Variants in EMB observed in about 807,000 individuals in gnomAD.
EMB encodes the protein embigin.
A neutral mutation model predicts 41.4 loss-of-function variants in EMB; 31 were observed. The observed-to-expected ratio is 0.75, with a 90% CI of 0.56 to 1.01. EMB has a LOEUF of 1.01. EMB is among the 50% of genes least tolerant of loss of function. The pLI is 0.00. For synonymous variants in EMB, 137 were observed against 140.4 expected, an observed-to-expected ratio of 0.98 and a Z score of 0.17; for missense variants, 379 against 388.3, an observed-to-expected ratio of 0.98 and a Z score of 0.20.
chr5:50,408,689 A>T (rs1027561596), intron 4 of EMB, among the ~76,000 whole-genome samples: 1 of 152,088 alleles, frequency 6.6e-6, no homozygotes, highest in Non-Finnish European at 1.5e-5. Context: ...TAAGTCTTCT[A>T]AGAAAAGATA....
intron 1 of EMB, among the ~76,000 whole-genome samples, chr5:50,439,216 C>G (rs1162082855): frequency 6.6e-6 from 1 of 152,054 alleles, no homozygotes; most frequent in African/African-American, 2.4e-5. Context: ...ATCCAGAATG[C>G]ACTGGTTCTC....
chr5:50,411,236 AG>A lies in EMB; in HGVS notation c.343del (p.Val116SerfsTer53), dbSNP rs1411922767. 6.2e-7 allele frequency: 1 copy of A among 1,612,820 alleles called. No homozygotes were observed. The highest frequency in any genetic ancestry group is 8.5e-7 in the Non-Finnish European group (1 of 1,179,248). On this transcript the variant is annotated frameshift_variant, in exon 3 of 9. Transcript: ENST00000303221. LOFTEE classifies it high-confidence loss of function. ...CAAGGTGCTTCCTGTTGCACTGACAAGATAATTATTCTCAAGTTGTTCACCA... is the reference window on the plus strand; with the variant it reads ...CAAGGTGCTTCCTGTTGCACTGACAAATAATTATTCTCAAGTTGTTCACCA... Reference protein sequence around the residue: ...KDGEQLENNYLVSATGSTLYT... With the variant: ...KDGEQLENNYXVSATGSTLYT...
At chr5:50,418,936 A>C (rs1248760110) in intron 2 of EMB, among the ~76,000 whole-genome samples, 3 of 152,142 alleles carry the variant, frequency 2.0e-5, no homozygotes, top group Non-Finnish European at 4.4e-5. Context: ...TCATCTATGC[A>C]CTCCTTCCAT....
At chr5:50,430,007 A>T (rs531527543) in intron 1 of EMB, among the ~76,000 whole-genome samples, 1,451 of 137,176 alleles carry the variant, frequency 0.011, 6 homozygotes, top group Middle Eastern at 0.026. Context: ...TCTCTCTCTC[A>T]CACACACACA....
intron 1 of EMB, among the ~76,000 whole-genome samples, chr5:50,436,062 T>C (rs1745798063): frequency 6.6e-6 from 1 of 152,142 alleles, no homozygotes; most frequent in Admixed American, 6.6e-5. Context: ...AAGAATGGTA[T>C]TTAGAACCCA....
At chr5:50,414,566 T>C (rs1745398880) in intron 2 of EMB, among the ~76,000 whole-genome samples, 1 of 149,754 alleles carries the variant, frequency 6.7e-6, no homozygotes, top group South Asian at 2.1e-4. Flanking sequence ...ATTCTATCAC[T>C]TTTAATTACA....
At chr5:50,433,354 T>C (rs1745755329) in intron 1 of EMB, among the ~76,000 whole-genome samples, 1 of 152,078 alleles carries the variant, frequency 6.6e-6, no homozygotes, top group Non-Finnish European at 1.5e-5. Flanking sequence ...TAAAAAAATA[T>C]AATTTTGGCA....
chr5:50,441,538 C>T (rs530327895), upstream of EMB, among the ~76,000 whole-genome samples: 19 of 152,302 alleles, frequency 1.2e-4, no homozygotes, highest in African/African-American at 4.6e-4. Flanking sequence ...ACAGACTGGC[C>T]TTTGCACTTC....
chr5:50,404,994 A>G (rs1286704662), intron 5 of EMB, among the ~76,000 whole-genome samples: 1 of 151,900 alleles, frequency 6.6e-6, no homozygotes, highest in Non-Finnish European at 1.5e-5. Flanking sequence ...CTTTAACGGG[A>G]CTTTAATTGT....
In EMB at chr5:50,399,132, T is replaced by C; in HGVS notation, c.*141A>G. On this transcript the variant is annotated 3_prime_UTR_variant, in exon 9 of 9. Transcript: ENST00000303221. ...CTTTAGATCTGACATATATCGTTGA[T>C]GAAGCTCCTGCTGAGCATGTTGCAT... 3 of 1,127,866 alleles carry C rather than the reference T, an allele frequency of 2.7e-6. No homozygotes were observed. Among genetic ancestry groups the C allele is most frequent in the East Asian group, 5.3e-5 (2 of 37,676 alleles). 69.9% of individuals were successfully genotyped at this position (1,127,866 alleles called of 1,614,324 possible). A position where few individuals can be genotyped will look rare whatever the true frequency, so the allele number is the denominator to read the frequency against.
intron 2 of EMB, among the ~76,000 whole-genome samples, chr5:50,416,291 T>C (rs1200921143): frequency 1.3e-5 from 2 of 152,248 alleles, no homozygotes; most frequent in Non-Finnish European, 2.9e-5. Context: ...TAACAATTTG[T>C]TGTTTTTGAA....
chr5:50,403,641 A>G (rs1745203208), intron 5 of EMB, among the ~76,000 whole-genome samples, 187 bp from the exon 6 acceptor site: 1 of 151,946 alleles, frequency 6.6e-6, no homozygotes, highest in Non-Finnish European at 1.5e-5. Context: ...CCAGGGAGCA[A>G]ACAAAGAAAA....
chr5:50,429,066 TTG>T (rs1370767243), intron 1 of EMB, among the ~76,000 whole-genome samples: 1 of 152,030 alleles, frequency 6.6e-6, no homozygotes, highest in African/African-American at 2.4e-5. Context: ...CAGCTAATTT[TTG>T]TGTTTTTAGT....
intron 1 of EMB, among the ~76,000 whole-genome samples, chr5:50,429,199 C>T (rs1486954243): frequency 6.6e-6 from 1 of 152,182 alleles, no homozygotes; most frequent in Admixed American, 6.5e-5. Flanking sequence ...TGGCCAACAA[C>T]ATGGCCTACT....
Position 50,405,748 on chromosome 5 carries a change from A to T in EMB, c.577T>A (p.Tyr193Asn). The change falls in exon 5 of 9, where the codon TAC becomes AAC. Residue 193 changes from tyrosine to asparagine, a missense_variant. Transcript: ENST00000303221. ...QNCFPLNWTW[Y>N]SSNGSVKVPV... The stretch of plus-strand genomic sequence containing the variant: ...ACCTTTACACTCCCATTACTACTGT[A>T]CCAGGTCCAATTTAAAGGAAAACAA... 1 of 1,605,558 alleles carries T rather than the reference A, an allele frequency of 6.2e-7. No homozygotes were observed. Among genetic ancestry groups the T allele is most frequent in the Non-Finnish European group, 8.5e-7 (1 of 1,176,044 alleles).
At chr5:50,417,587 G>A (rs1378754373) in intron 2 of EMB, among the ~76,000 whole-genome samples, 1 of 152,110 alleles carries the variant, frequency 6.6e-6, no homozygotes, top group Non-Finnish European at 1.5e-5. Flanking sequence ...TCACCAATGT[G>A]CACAGAGAAA....
chr5:50,423,168 A>G (rs1745553474), intron 2 of EMB, among the ~76,000 whole-genome samples: 1 of 152,182 alleles, frequency 6.6e-6, no homozygotes, highest in Non-Finnish European at 1.5e-5. Context: ...TTGAATGACA[A>G]AAATCAATTT....
At chr5:50,411,970 T>A (rs1479007958) in intron 2 of EMB, 1 of 152,176 alleles carries the variant, frequency 6.6e-6, no homozygotes, top group Admixed American at 6.6e-5. Flanking sequence ...GAATTTTGAC[T>A]GAATTTCAAT....
intron 1 of EMB, among the ~76,000 whole-genome samples, chr5:50,430,561 G>C (rs1745703628): frequency 6.7e-6 from 1 of 149,500 alleles, no homozygotes; most frequent in African/African-American, 2.5e-5. Flanking sequence ...GTCCTTAAAG[G>C]GCTATGTGGA....
Sources: gnomAD v4.1 joint callset for allele counts (sites outside exome capture counted in the v4.1 genomes callset) on GRCh38, gnomAD v4.1.1 for gene constraint, MANE v1.5 for transcripts, NCBI Gene and HGNC (gene_info 2026-07-23, HGNC 2026-07-21) for gene names.